Variants in TMEM170B observed in about 807,000 individuals in gnomAD.
TMEM170B encodes transmembrane protein 170B.
In TMEM170B, 6 loss-of-function variants were observed where a neutral mutation model predicts 13.0. The ratio of observed to expected loss-of-function variants is 0.46; its 90% CI spans 0.25 to 0.91. The LOEUF is 0.91. Ranked by LOEUF, TMEM170B falls within the 40% of genes least tolerant of loss-of-function variation. The pLI is 0.17. For synonymous variants in TMEM170B, 61 were observed against 64.9 expected (o/e 0.94, Z 0.29); for missense variants, 138 against 165.2 (o/e 0.84, Z 0.90).
chr6:11,574,514 C>T (rs905447335), intron 2 of TMEM170B, among the ~76,000 whole-genome samples: 2 of 152,048 alleles, frequency 1.3e-5, no homozygotes, highest in Non-Finnish European at 2.9e-5. Flanking sequence ...GATAACTTCT[C>T]GTCTTTGTCT....
At chr6:11,556,659 C>T (rs919211423) in intron 1 of TMEM170B, among the ~76,000 whole-genome samples, 4 of 152,192 alleles carry the variant, frequency 2.6e-5, no homozygotes, top group Middle Eastern at 3.4e-3. Context: ...AGGAGTTTCT[C>T]GTCCTTCCAT....
rs537953719 is a variant in TMEM170B at position 11,558,066 on chromosome 6, C to A, written c.98-7600C>A. Reference sequence around the variant, plus strand: ...CTGGGACTATGGGCTTATGCCACCACACCTGACCAATCTCTTTGTACTCTT... The same window carrying A: ...CTGGGACTATGGGCTTATGCCACCAAACCTGACCAATCTCTTTGTACTCTT... On this transcript the variant is annotated intron_variant, in intron 1 of 2. Transcript: ENST00000379426. 2.0e-5 allele frequency among the ~76,000 whole-genome samples: 3 copies of A among 152,292 alleles called. No individual in the cohort carries two copies. The South Asian group carries it at 6.2e-4, about 32-fold the overall frequency.
chr6:11,562,873 C>G (rs1759687552), intron 1 of TMEM170B, among the ~76,000 whole-genome samples: 1 of 152,144 alleles, frequency 6.6e-6, no homozygotes, highest in Non-Finnish European at 1.5e-5. Context: ...ACAAAGATCA[C>G]TCATGTTGCT....
chr6:11,553,276 C>T (rs534658799), intron 1 of TMEM170B, among the ~76,000 whole-genome samples: 33 of 152,250 alleles, frequency 2.2e-4, no homozygotes, highest in African/African-American at 7.9e-4. Context: ...TGGACCCATG[C>T]ACTGCAAACC....
At position 11,538,304 on chromosome 6, in the gene TMEM170B, C is replaced by T; in HGVS notation, c.27C>T (p.Ser9=). Residue 9 remains serine (S), a synonymous_variant, in exon 1 of 3, where the codon TCC becomes TCT. Coordinates refer to ENST00000379426, the MANE Select transcript of TMEM170B (RefSeq NM_001100829.3). ...TGAAGGCGGAGGGGGGCGACCACTC[C>T]ATGATCAACCTGTCGGTGCAGCAGG... MKAEGGDH[S]MINLSVQQVL... 6.7e-7 allele frequency: 1 copy of T among 1,482,764 alleles called. No individual in the cohort carries two copies. Among genetic ancestry groups the T allele is most frequent in the Non-Finnish European group, 8.9e-7 (1 of 1,123,188 alleles). The allele number at this position is 1,482,764 out of a possible 1,614,324, so 91.9% of individuals were successfully genotyped here. A position where few individuals can be genotyped will look rare whatever the true frequency, so the allele number is the denominator to read the frequency against.
chr6:11,537,970 C>T lies in TMEM170B; in HGVS notation c.-308C>T, dbSNP rs1309740313. On this transcript the variant is annotated 5_prime_UTR_variant, in exon 1 of 3. Transcript: ENST00000379426. Reference sequence around the variant, plus strand: ...TGCCCCTGAGAGGGAGCGGCGGCGGCCTCCTCCGCCCCGAGTCCTCGCTCG... The same window carrying T: ...TGCCCCTGAGAGGGAGCGGCGGCGGTCTCCTCCGCCCCGAGTCCTCGCTCG... Among the ~76,000 whole-genome samples the T allele has an allele frequency of 6.6e-6, 1 of 151,330 alleles. No individual in the cohort carries two copies. Among genetic ancestry groups the T allele is most frequent in the Non-Finnish European group, 1.5e-5 (1 of 67,660 alleles).
Position 11,553,665 on chromosome 6 carries a change from A to G in TMEM170B, c.98-12001A>G, listed in dbSNP as rs577396350. Reference sequence around the variant, plus strand: ...AGCTGATCTAGAAATTTTATGAGTTAAGAAAAGTTTAGAGGTTTTACTAGG... The same window carrying G: ...AGCTGATCTAGAAATTTTATGAGTTGAGAAAAGTTTAGAGGTTTTACTAGG... On this transcript the variant is annotated intron_variant, in intron 1 of 2. Coordinates refer to ENST00000379426, the MANE Select transcript of TMEM170B (RefSeq NM_001100829.3). Among the ~76,000 whole-genome samples, 42 of 152,340 alleles carry G rather than the reference A, an allele frequency of 2.8e-4. No homozygotes were observed. In the South Asian group the frequency reaches 8.5e-3, roughly 31 times the overall value.
chr6:11,581,276 C>T lies in TMEM170B; in HGVS notation c.*5715C>T, dbSNP rs1759952665. 1 of 152,226 alleles carries T rather than the reference C, an allele frequency of 6.6e-6. No individual in the cohort carries two copies. The highest frequency in any genetic ancestry group is 1.5e-5 in the Non-Finnish European group (1 of 68,028). The allele number at this position is 152,226 out of a possible 1,614,324, so 9.4% of individuals were successfully genotyped here. A position where few individuals can be genotyped will look rare whatever the true frequency, so the allele number is the denominator to read the frequency against. On this transcript the variant is annotated 3_prime_UTR_variant, in exon 3 of 3. Coordinates refer to ENST00000379426, the MANE Select transcript of TMEM170B (RefSeq NM_001100829.3). ...GCAATTTCCTAAAAATCTTCCTCCT[C>T]TTTCCATACAGATGTCGTATGTTAT...
intron 1 of TMEM170B, 148 bp downstream of exon 1, chr6:11,538,522 G>A (rs1226207391): frequency 6.5e-6 from 4 of 616,900 alleles, no homozygotes; most frequent in Middle Eastern, 4.1e-4. Context: ...GGTGTTAATC[G>A]GAGCCACTCT....
intron 1 of TMEM170B, among the ~76,000 whole-genome samples, chr6:11,546,608 T>C (rs571201400): frequency 4.6e-5 from 7 of 152,310 alleles, no homozygotes; most frequent in African/African-American, 1.7e-4. Context: ...TTTTAATCTT[T>C]TATGCTATAT....
At chr6:11,550,419 C>T (rs1249361070) in intron 1 of TMEM170B, among the ~76,000 whole-genome samples, 6 of 151,948 alleles carry the variant, frequency 3.9e-5, no homozygotes, top group African/African-American at 1.2e-4. Context: ...GTGATCCACC[C>T]GCCTCAGCCT....
intron 1 of TMEM170B, among the ~76,000 whole-genome samples, chr6:11,548,487 A>G (rs891576966): frequency 3.3e-5 from 5 of 151,962 alleles, no homozygotes; most frequent in African/African-American, 7.2e-5. Context: ...GGGACTGTAA[A>G]CTAGTTCAAC....
chr6:11,552,761 A>G (rs1582140704), intron 1 of TMEM170B, among the ~76,000 whole-genome samples: 2 of 152,192 alleles, frequency 1.3e-5, no homozygotes, highest in East Asian at 3.8e-4. Context: ...ATGAGGTAGA[A>G]TTTGACTGTG....
rs979997116 is a variant in TMEM170B, at chr6:11,538,044, C to T, written c.-234C>T. On this transcript the variant is annotated 5_prime_UTR_variant, in exon 1 of 3. Transcript: ENST00000379426. ...GGCCCCCTCCCCTCCTTCCTCCGTC[C>T]GCCGTCCTCAATGTCTCCCCGGCGG... Among the ~76,000 whole-genome samples, 1 of 151,222 alleles carries T rather than the reference C, an allele frequency of 6.6e-6. No individual in the cohort carries two copies.
intron 2 of TMEM170B, among the ~76,000 whole-genome samples, chr6:11,567,588 G>A (rs1759752082): frequency 6.6e-6 from 1 of 152,200 alleles, no homozygotes; most frequent in Admixed American, 6.5e-5. Flanking sequence ...GGGAAATGGG[G>A]AGGAGTCTGT....
chr6:11,538,492 C>A, intron 1 of TMEM170B, 118 bp downstream of exon 1: 1 of 752,020 alleles, frequency 1.3e-6, no homozygotes, highest in Non-Finnish European at 2.0e-6. Flanking sequence ...CCGCTCGGAG[C>A]TCCAGGTCCC....
intron 2 of TMEM170B, among the ~76,000 whole-genome samples, chr6:11,567,687 A>G (rs1036941477): frequency 1.5e-4 from 23 of 152,168 alleles, no homozygotes; most frequent in African/African-American, 4.8e-4. Flanking sequence ...CTATAATTTG[A>G]TGATATGGAT....
chr6:11,546,935 G>A (rs113400737), intron 1 of TMEM170B, among the ~76,000 whole-genome samples: 3 of 152,254 alleles, frequency 2.0e-5, no homozygotes, highest in African/African-American at 7.2e-5. Flanking sequence ...TAGAACTTAG[G>A]CACAGTCAGA....
intron 1 of TMEM170B, among the ~76,000 whole-genome samples, chr6:11,554,754 A>G (rs575856932): frequency 2.6e-4 from 40 of 152,260 alleles, no homozygotes; most frequent in Admixed American, 9.2e-4. Flanking sequence ...ACTATGTTAA[A>G]GCAGCTCTTG....
Sources: allele counts gnomAD v4.1 joint callset (sites outside exome capture counted in the v4.1 genomes callset), GRCh38; gene constraint gnomAD v4.1.1; transcripts MANE v1.5; gene names NCBI Gene and HGNC (gene_info 2026-07-23, HGNC 2026-07-21).